Variants in PLLP observed in about 807,000 individuals in gnomAD.
The protein encoded by PLLP is plasmolipin.
Under a neutral mutation model 19.7 loss-of-function variants are expected in PLLP, and 15 were observed. That is an observed-to-expected ratio of 0.76 (90% CI 0.51 to 1.17). The LOEUF (loss-of-function observed/expected upper bound fraction) is 1.17, where lower values mean the gene tolerates loss of function less well. Among genes scored for constraint, PLLP ranks in the 50% most tolerant of loss-of-function variants. PLLP has a pLI of 0.00. For missense variants in PLLP, 255 were observed against 258.3 expected (o/e 0.99, Z 0.09); for synonymous variants, 111 against 116.3 (o/e 0.95, Z 0.29).
chr16:57,270,429 T>A (rs2075471137), intron 1 of PLLP, among the ~76,000 whole-genome samples: 1 of 148,118 alleles, frequency 6.8e-6, no homozygotes, highest in Admixed American at 6.8e-5. Flanking sequence ...AGCTCCGGCC[T>A]CTCTATTCCC....
chr16:57,264,494 T>G (rs1219949119), intron 1 of PLLP, among the ~76,000 whole-genome samples: 1 of 152,268 alleles, frequency 6.6e-6, no homozygotes, highest in Non-Finnish European at 1.5e-5. Context: ...CAATCCTATT[T>G]CTTCAACCAT....
chr16:57,271,859 G>A (rs1208409293), intron 1 of PLLP, among the ~76,000 whole-genome samples: 1 of 151,934 alleles, frequency 6.6e-6, no homozygotes, highest in East Asian at 1.9e-4. Flanking sequence ...AGCACTCGCA[G>A]GTGGGATCTC....
intron 1 of PLLP, among the ~76,000 whole-genome samples, chr16:57,265,823 T>C (rs2075455102): frequency 6.6e-6 from 1 of 151,906 alleles, no homozygotes; most frequent in Non-Finnish European, 1.5e-5. Flanking sequence ...AGCTCAGGAG[T>C]TCGAAACCAG....
At chr16:57,282,420 C>CCT (rs1901231922) in intron 1 of PLLP, among the ~76,000 whole-genome samples, 1 of 150,442 alleles carries the variant, frequency 6.6e-6, no homozygotes, top group African/African-American at 2.4e-5. Context: ...TTTTTTTTTC[C>CCT]TTTTTTTTGT....
At chr16:57,271,035 C>G (rs1216424381) in intron 1 of PLLP, among the ~76,000 whole-genome samples, 1 of 152,188 alleles carries the variant, frequency 6.6e-6, no homozygotes, top group East Asian at 1.9e-4. Flanking sequence ...CCGCGTGGAC[C>G]CTGCTTCCTG....
chr16:57,264,880 GT>G, intron 1 of PLLP, among the ~76,000 whole-genome samples: 1 of 150,744 alleles, frequency 6.6e-6, no homozygotes, highest in East Asian at 1.9e-4. Context: ...TTAAAATTAA[GT>G]AAAGTTAAAA....
At chr16:57,283,487 C>T (rs1567534134) in intron 1 of PLLP, among the ~76,000 whole-genome samples, 1 of 152,212 alleles carries the variant, frequency 6.6e-6, no homozygotes, top group Non-Finnish European at 1.5e-5. Flanking sequence ...CTAAGAAATA[C>T]AGGTCCTGGC....
At chr16:57,270,879 G>A (rs555275754) in intron 1 of PLLP, among the ~76,000 whole-genome samples, 7 of 152,256 alleles carry the variant, frequency 4.6e-5, no homozygotes, top group East Asian at 1.9e-4. Context: ...TTTTCTCGTC[G>A]GAAAAATGGG....
chr16:57,264,009 AG>A (rs1313875800), intron 1 of PLLP, among the ~76,000 whole-genome samples: 1 of 152,180 alleles, frequency 6.6e-6, no homozygotes, highest in African/African-American at 2.4e-5. Flanking sequence ...GTTTGGAGAC[AG>A]AAAGTCCTGG....
chr16:57,256,680 G>T lies in PLLP; in HGVS notation c.*233C>A, dbSNP rs1466830885. 2 of 535,958 alleles carry T rather than the reference G, an allele frequency of 3.7e-6. No homozygotes were observed. Among genetic ancestry groups the T allele is most frequent in the African/African-American group, 3.8e-5 (2 of 52,628 alleles). 33.2% of individuals were successfully genotyped at this position (535,958 alleles called of 1,614,324 possible). On this transcript the variant is annotated 3_prime_UTR_variant, in exon 4 of 4. Transcript: ENST00000219207. ...TCCCCCGTCATCTTCCACTGAATAA[G>T]GGGGATGGAGAAGAGGTCTCAGCAG... is the stretch of plus-strand genomic sequence containing the variant.
intron 1 of PLLP, among the ~76,000 whole-genome samples, chr16:57,266,418 C>G (rs2075457508): frequency 6.6e-6 from 1 of 152,208 alleles, no homozygotes; most frequent in Admixed American, 6.5e-5. Flanking sequence ...CTCCTGGTTC[C>G]TGAGCCCCCA....
At chr16:57,261,422 C>CA (rs1482667206) in intron 2 of PLLP, among the ~76,000 whole-genome samples, 1 of 152,092 alleles carries the variant, frequency 6.6e-6, no homozygotes, top group Non-Finnish European at 1.5e-5. Flanking sequence ...CATGGTTCCC[C>CA]AAAAAACCGT....
At chr16:57,272,158 T>C (rs1055960395) in intron 1 of PLLP, among the ~76,000 whole-genome samples, 1 of 152,190 alleles carries the variant, frequency 6.6e-6, no homozygotes, top group Admixed American at 6.5e-5. Context: ...AGGGAAACAC[T>C]TGACCCATTC....
At chr16:57,266,568 A>G (rs2075457930) in intron 1 of PLLP, among the ~76,000 whole-genome samples, 1 of 152,168 alleles carries the variant, frequency 6.6e-6, no homozygotes, top group Admixed American at 6.5e-5. Flanking sequence ...AGGTGATGAT[A>G]AGCAAAGACC....
At chr16:57,276,147 C>G (rs76949352) in intron 1 of PLLP, among the ~76,000 whole-genome samples, 4,300 of 152,056 alleles carry the variant, frequency 0.028, 83 homozygotes, top group Non-Finnish European at 0.043. Context: ...TTTAAAAGGT[C>G]AACCTCACTG....
rs1167577410 is a variant in PLLP, at chr16:57,284,441, G to C, written c.100C>G (p.Arg34Gly). ...AGCATGAGCGCCCCGAGGCGGGAGCGCACGAAGCCCAGGTCCGGGCGCAGC... is the reference window on the plus strand; with the variant it reads ...AGCATGAGCGCCCCGAGGCGGGAGCCCACGAAGCCCAGGTCCGGGCGCAGC... ...SALRPDLGFV[R>G]SRLGALMLLQ... Residue 34 changes from arginine (R) to glycine (G), a missense_variant, in exon 1 of 4, where the codon CGC becomes GGC. Physicochemically the swap from Arg to Gly is moderately radical, Grantham distance 125. Coordinates refer to ENST00000219207, the MANE Select transcript of PLLP (RefSeq NM_015993.3). The C allele has an allele frequency of 5.0e-6, 7 of 1,402,710 alleles. No homozygotes were observed. Among genetic ancestry groups the C allele is most frequent in the South Asian group, 1.5e-5 (1 of 66,822 alleles). 86.9% of individuals were successfully genotyped at this position (1,402,710 alleles called of 1,614,324 possible). A position where few individuals can be genotyped will look rare whatever the true frequency, so the allele number is the denominator to read the frequency against.
At position 57,284,581 on chromosome 16, in the gene PLLP, C is replaced by G; in HGVS notation, c.-41G>C. 7.6e-7 allele frequency: 1 copy of G among 1,317,432 alleles called. No homozygotes were observed. The highest frequency in any genetic ancestry group is 9.7e-7 in the Non-Finnish European group (1 of 1,027,956). The allele number at this position is 1,317,432 out of a possible 1,614,324, so 81.6% of individuals were successfully genotyped here. A position where few individuals can be genotyped will look rare whatever the true frequency, so the allele number is the denominator to read the frequency against. ...CTCCCGAGGTCGCTACGGCCGCCGT[C>G]GCCGCCCCTCCAGCGGTGGGTGCCG... On this transcript the variant is annotated 5_prime_UTR_variant, in exon 1 of 4. Transcript: ENST00000219207.
At chr16:57,281,734 G>A (rs552409844) in intron 1 of PLLP, among the ~76,000 whole-genome samples, 8 of 151,820 alleles carry the variant, frequency 5.3e-5, no homozygotes, top group Non-Finnish European at 1.0e-4. Context: ...GATGGTCTCC[G>A]TCTCCTGACC....
intron 1 of PLLP, among the ~76,000 whole-genome samples, chr16:57,267,731 T>A (rs1467934618): frequency 6.7e-6 from 1 of 150,374 alleles, no homozygotes; most frequent in African/African-American, 2.5e-5. Flanking sequence ...TACAAAAAAT[T>A]AGCCAGGCAT....
Sources: gnomAD v4.1 joint callset for allele counts (sites outside exome capture counted in the v4.1 genomes callset) on GRCh38, gnomAD v4.1.1 for gene constraint, MANE v1.5 for transcripts, NCBI Gene and HGNC (gene_info 2026-07-23, HGNC 2026-07-21) for gene names.